Variants in PDZD2 observed in about 807,000 individuals in gnomAD.
The protein encoded by PDZD2 is PDZ domain containing 2.
A neutral mutation model predicts 220.7 loss-of-function variants in PDZD2; 90 were observed. That is an observed-to-expected ratio of 0.41 (90% confidence interval 0.34 to 0.49). PDZD2 has a LOEUF of 0.49. PDZD2 is among the 20% of genes least tolerant of loss of function. The pLI is 0.28. For synonymous variants in PDZD2, 1,375 were observed against 1,450.5 expected (o/e 0.95, Z 1.18); for missense variants, 3,174 against 3,608.5 (o/e 0.88, Z 3.08).
At chr5:31,711,689 AGCCAGAT>A (rs1748114288) in intron 1 of PDZD2, among the ~76,000 whole-genome samples, 1 of 152,144 alleles carries the variant, frequency 6.6e-6, no homozygotes, top group Non-Finnish European at 1.5e-5. Flanking sequence ...CTATAAAATG[AGCCAGAT>A]GGAACCTGTG....
intron 2 of PDZD2, among the ~76,000 whole-genome samples, chr5:31,830,290 C>T (rs1455837477): frequency 4.3e-4 from 64 of 150,482 alleles, no homozygotes; most frequent in Non-Finnish European, 7.1e-4. Context: ...CTCAGCCTCC[C>T]GAGTAGCTGG....
At chr5:32,054,597 T>A (rs1266377492) in intron 10 of PDZD2, among the ~76,000 whole-genome samples, 1 of 152,058 alleles carries the variant, frequency 6.6e-6, no homozygotes, top group Non-Finnish European at 1.5e-5. Context: ...AGTGCTAGGA[T>A]TACAGGCATG....
chr5:32,095,848 C>T (rs1439315549), intron 21 of PDZD2, among the ~76,000 whole-genome samples: 1 of 150,246 alleles, frequency 6.7e-6, no homozygotes, highest in Admixed American at 6.6e-5. Flanking sequence ...TCACGCCATT[C>T]TCCTGCCTCA....
intron 1 of PDZD2, among the ~76,000 whole-genome samples, chr5:31,686,002 A>T (rs543123732): frequency 1.3e-5 from 2 of 152,068 alleles, no homozygotes; most frequent in Non-Finnish European, 2.9e-5. Flanking sequence ...GTTCGAGATC[A>T]GCCTGGCCAA....
chr5:31,668,352 C>T (rs1172146463), intron 1 of PDZD2, among the ~76,000 whole-genome samples: 1 of 152,142 alleles, frequency 6.6e-6, no homozygotes, highest in Non-Finnish European at 1.5e-5. Flanking sequence ...CTTAGAACCA[C>T]GGGGCTGCCC....
intron 1 of PDZD2, chr5:31,711,892 A>G (rs200036146): frequency 1.3e-5 from 2 of 152,238 alleles, no homozygotes; most frequent in East Asian, 3.8e-4. Flanking sequence ...TGCCCTTTGT[A>G]TTCCTTAAAA....
At chr5:31,687,848 C>G (rs1282009429) in intron 1 of PDZD2, among the ~76,000 whole-genome samples, 1 of 152,166 alleles carries the variant, frequency 6.6e-6, no homozygotes, top group African/African-American at 2.4e-5. Flanking sequence ...GGATCAGGGT[C>G]CCACTCTCAT....
intron 2 of PDZD2, among the ~76,000 whole-genome samples, chr5:31,911,546 TTC>T (rs1209873441): frequency 1.3e-5 from 2 of 152,266 alleles, no homozygotes; most frequent in African/African-American, 4.8e-5. Flanking sequence ...TTCCTTTCGT[TTC>T]TCTGTTTTCT....
chr5:31,944,486 T>C (rs570630140), intron 2 of PDZD2, among the ~76,000 whole-genome samples: 38 of 152,338 alleles, frequency 2.5e-4, no homozygotes, highest in South Asian at 8.3e-4. Context: ...AACCTCTGTT[T>C]TCCAAACTCA....
chr5:31,791,266 T>A (rs78739615), intron 1 of PDZD2, among the ~76,000 whole-genome samples: 11,881 of 151,830 alleles, frequency 0.078, 625 homozygotes, highest in Middle Eastern at 0.13. Context: ...GCTTACTGAG[T>A]TGGGGAGCTG....
rs142690376 is a variant in PDZD2 at position 32,036,215 on chromosome 5, C to T, written c.1408-1016C>T. Among the ~76,000 whole-genome samples the T allele has an allele frequency of 8.9e-3, 1,350 of 152,328 alleles. 26 individuals carry two copies. Among genetic ancestry groups the T allele is most frequent in the African/African-American group, 0.031 (1,307 of 41,566 alleles). ...TCTCCTGACCTCGTGATCCGCCCAC[C>T]TCTGCCTCCGGGCATGAGCCACTGC... On this transcript the variant is annotated intron_variant, in intron 6 of 24. Transcript: ENST00000438447.
chr5:32,063,657 G>A (rs1330446557), intron 14 of PDZD2, among the ~76,000 whole-genome samples: 1 of 152,190 alleles, frequency 6.6e-6, no homozygotes, highest in Admixed American at 6.5e-5. Flanking sequence ...AGCTTCTACT[G>A]GGTGCCAGGC....
At chr5:31,682,671 CTGTG>C (rs70955735) in intron 1 of PDZD2, among the ~76,000 whole-genome samples, 1,904 of 146,258 alleles carry the variant, frequency 0.013, 44 homozygotes, top group African/African-American at 0.038. Flanking sequence ...AGTCTTTCGG[CTGTG>C]TGTGTGTGTG....
Position 31,780,757 on chromosome 5 carries a change from G to A in PDZD2, c.-360-18132G>A, listed in dbSNP as rs540128562. ...AGCAGGAAGGATATTCAGTGGTTCC[G>A]CGGTGTCCTCAGGGTCCCAATCTCA... On this transcript the variant is annotated intron_variant, in intron 1 of 24. Transcript: ENST00000438447. Among the ~76,000 whole-genome samples, 34 of 152,214 alleles carry A rather than the reference G, an allele frequency of 2.2e-4. No homozygotes were observed. In the South Asian group the frequency reaches 6.6e-3, roughly 30 times the overall value.
intron 2 of PDZD2, among the ~76,000 whole-genome samples, chr5:31,815,245 C>CAAAAAAAAAAAAAAAA (rs59040987): frequency 5.7e-4 from 33 of 57,936 alleles, no homozygotes; most frequent in African/African-American, 2.2e-3. Context: ...AACTCTGTCT[C>CAAAAAAAAAAAAAAAA]AAAAAAAAAA....
Position 32,000,206 on chromosome 5 carries a change from C to T in PDZD2, c.1189C>T (p.His397Tyr), listed in dbSNP as rs1325531974. 6.2e-7 allele frequency: 1 copy of T among 1,614,026 alleles called. No individual in the cohort carries two copies. Among genetic ancestry groups the T allele is most frequent in the South Asian group, 1.1e-5 (1 of 91,076 alleles). The change falls in exon 5 of 25, where the codon CAC (histidine) becomes TAC (tyrosine). Residue 397 changes from histidine (H) to tyrosine (Y), a missense_variant. This residue lies in a region of PDZD2 where 632 missense variants were observed against 708.1 expected (regional missense o/e 0.89). Coordinates refer to ENST00000438447, the MANE Select transcript of PDZD2 (RefSeq NM_178140.4). The surrounding 1 kb of genome is among the most constrained non-coding windows in gnomAD (Gnocchi z 4.5). ...INGHLLVGLS[H>Y]EEAVAILRSA... ...TGGTCATTTACTGGTCGGGCTCTCC[C>T]ACGAGGAAGCAGTGGCCATTCTTCG...
intron 7 of PDZD2, among the ~76,000 whole-genome samples, chr5:32,047,065 A>C (rs1457456704): frequency 1.3e-5 from 2 of 151,954 alleles, no homozygotes; most frequent in Non-Finnish European, 2.9e-5. Flanking sequence ...AACACCAATA[A>C]ATAAATAAAT....
chr5:31,753,623 A>G (rs1751141877), intron 1 of PDZD2, among the ~76,000 whole-genome samples: 1 of 150,124 alleles, frequency 6.7e-6, no homozygotes, highest in Non-Finnish European at 1.5e-5. Context: ...AAATAAACAA[A>G]CAAACAAACA....
At chr5:31,649,204 G>A (rs1298601032) in intron 1 of PDZD2, among the ~76,000 whole-genome samples, 2 of 151,944 alleles carry the variant, frequency 1.3e-5, no homozygotes, top group Admixed American at 1.3e-4. Flanking sequence ...AACACAAGTC[G>A]TATCACTCCC....
Sources: gnomAD v4.1 joint callset for allele counts (sites outside exome capture counted in the v4.1 genomes callset) on GRCh38, gnomAD v4.1.1 for gene constraint, gnomAD v4.1.1 regional missense constraint, Gnocchi (gnomAD v3.1) non-coding constraint, MANE v1.5 for transcripts, NCBI Gene and HGNC (gene_info 2026-07-23, HGNC 2026-07-21) for gene names.